WWTR1: variants seen among roughly 807,000 people sequenced by gnomAD.
WWTR1 encodes WW domain-containing transcription regulator protein 1.
WWTR1 carries 13 observed loss-of-function variants against 40.1 expected under a neutral mutation model. The ratio of observed to expected loss-of-function variants is 0.32; its 90% CI spans 0.21 to 0.52. The LOEUF is 0.52. Ranked by LOEUF, WWTR1 falls within the 20% of genes least tolerant of loss-of-function variation. The pLI, the probability that WWTR1 is intolerant of heterozygous loss-of-function variation, is 0.97. For missense variants in WWTR1, 436 were observed against 523.1 expected, an observed-to-expected ratio of 0.83 and a Z score of 1.63; for synonymous variants, 230 against 210.1, an observed-to-expected ratio of 1.09 and a Z score of -0.82.
intron 1 of WWTR1, 166 bp downstream of exon 1, chr3:149,657,599 C>A: frequency 2.7e-6 from 1 of 375,050 alleles, no homozygotes; most frequent in Non-Finnish European, 4.8e-6. Context: ...TCGGGGCTTG[C>A]TGAACCGCAG....
At position 149,657,385 on chromosome 3, in the gene WWTR1, C is replaced by G. The variant is rs945693620; in HGVS notation, c.-3-76G>C. 13 of 1,446,460 alleles carry G rather than the reference C, an allele frequency of 9.0e-6. No homozygotes were observed. The African/African-American group carries it at 1.8e-4, about 20-fold the overall frequency. The allele number at this position is 1,446,460 out of a possible 1,614,324, so 89.6% of individuals were successfully genotyped here. A position where few individuals can be genotyped will look rare whatever the true frequency, so the allele number is the denominator to read the frequency against. On this transcript the variant is annotated intron_variant, in intron 1 of 6. Transcript: ENST00000360632. ...GTAAGAGGGTTACAGGGTGAGAGGG[C>G]GAGATGGTGGGAGAAAGAATAGAGG...
chr3:149,541,088 A>G (rs758604024), intron 4 of WWTR1: 17 of 454,578 alleles, frequency 3.7e-5, no homozygotes, highest in South Asian at 2.5e-4. Context: ...TAATTTCTCT[A>G]AAGTAGCAAA....
chr3:149,537,294 A>G (rs986970830), intron 4 of WWTR1, among the ~76,000 whole-genome samples: 5 of 152,192 alleles, frequency 3.3e-5, no homozygotes, highest in Non-Finnish European at 7.3e-5. Flanking sequence ...GCACAACTTC[A>G]TGGCTGACAC....
At chr3:149,719,450 C>T (rs115076066) in intron 4 of WWTR1, among the ~76,000 whole-genome samples, 2,957 of 152,244 alleles carry the variant, frequency 0.019, 102 homozygotes, top group African/African-American at 0.067. Context: ...GGATTACAGG[C>T]GTGGCCACTG....
At chr3:149,544,112 T>C (rs1460653953) in intron 3 of WWTR1, among the ~76,000 whole-genome samples, 1 of 151,980 alleles carries the variant, frequency 6.6e-6, no homozygotes, top group East Asian at 1.9e-4. Flanking sequence ...ATGCATATTA[T>C]GTAGAAATAT....
chr3:149,566,505 G>A (rs796303772), intron 3 of WWTR1, among the ~76,000 whole-genome samples: 1 of 151,994 alleles, frequency 6.6e-6, no homozygotes, highest in Admixed American at 6.6e-5. Context: ...CATCAGAGCT[G>A]GAAAAATCAC....
At chr3:149,522,578 T>C (rs1434881137) in intron 6 of WWTR1, among the ~76,000 whole-genome samples, 1 of 152,162 alleles carries the variant, frequency 6.6e-6, no homozygotes, top group Non-Finnish European at 1.5e-5. Flanking sequence ...GTGTAACAGA[T>C]AAAAATGAGG....
At chr3:149,546,714 T>C (rs191269964) in intron 3 of WWTR1, among the ~76,000 whole-genome samples, 28 of 152,294 alleles carry the variant, frequency 1.8e-4, no homozygotes, top group Non-Finnish European at 3.2e-4. Flanking sequence ...AACATGGCCA[T>C]GTAAGCTTCA....
intron 1 of WWTR1, among the ~76,000 whole-genome samples, chr3:149,697,151 G>T (rs1715020495): frequency 6.6e-6 from 1 of 151,426 alleles, no homozygotes; most frequent in African/African-American, 2.4e-5. Flanking sequence ...AAATAAAAGA[G>T]GTTTAATTGG....
chr3:149,590,578 G>A (rs964952443), intron 2 of WWTR1, among the ~76,000 whole-genome samples: 4 of 152,136 alleles, frequency 2.6e-5, no homozygotes, highest in Non-Finnish European at 5.9e-5. Context: ...CCCGGGAGGT[G>A]GAGGTTGCAG....
rs561902213 is a variant in WWTR1 at position 149,541,842 on chromosome 3, C to T, written c.771+493G>A. Among the ~76,000 whole-genome samples, 3 of 152,246 alleles carry T rather than the reference C, an allele frequency of 2.0e-5. No homozygotes were observed. The East Asian group carries it at 5.8e-4, about 29-fold the overall frequency. On this transcript the variant is annotated intron_variant, in intron 4 of 6. Coordinates refer to ENST00000360632, the MANE Select transcript of WWTR1 (RefSeq NM_015472.6). Reference sequence around the variant, plus strand: ...TCCAGCAATCCTCACCATCATGCCACCCACTTAGGTAAAGCCATTGTGAAC... The same window carrying T: ...TCCAGCAATCCTCACCATCATGCCATCCACTTAGGTAAAGCCATTGTGAAC...
At chr3:149,630,596 C>T (rs575370858) in intron 2 of WWTR1, among the ~76,000 whole-genome samples, 29 of 152,300 alleles carry the variant, frequency 1.9e-4, no homozygotes, top group African/African-American at 6.7e-4. Flanking sequence ...ATGTGAGGCC[C>T]CAGTCACCTG....
chr3:149,681,219 A>T (rs1414499558), intron 1 of WWTR1, among the ~76,000 whole-genome samples: 1 of 152,216 alleles, frequency 6.6e-6, no homozygotes, highest in Non-Finnish European at 1.5e-5. Context: ...ATGGCTGATT[A>T]TATGTTATAT....
intron 5 of WWTR1, among the ~76,000 whole-genome samples, chr3:149,714,261 G>A (rs1259127595): frequency 2.0e-5 from 3 of 152,190 alleles, no homozygotes; most frequent in Non-Finnish European, 4.4e-5. Flanking sequence ...CTGTGCTTAG[G>A]GGCTGGGAGC....
At position 149,657,859 on chromosome 3, in the gene WWTR1, T is replaced by A. The variant is rs1363869345; in HGVS notation, c.-98A>T. The A allele has an allele frequency of 6.5e-6, 1 of 153,088 alleles. No individual in the cohort carries two copies. Among genetic ancestry groups the A allele is most frequent in the Non-Finnish European group, 1.5e-5 (1 of 68,832 alleles). 9.5% of individuals were successfully genotyped at this position (153,088 alleles called of 1,614,324 possible). A position where few individuals can be genotyped will look rare whatever the true frequency, so the allele number is the denominator to read the frequency against. On this transcript the variant is annotated 5_prime_UTR_variant, in exon 1 of 7. Coordinates refer to ENST00000360632, the MANE Select transcript of WWTR1 (RefSeq NM_015472.6). ...TGGGTCGCTCGGGTGAGTCCCGAGA[T>A]TGCGGAGCTGGAGCCGAGGCTTGGC...
intron 6 of WWTR1, among the ~76,000 whole-genome samples, chr3:149,525,280 T>C (rs1258564750): frequency 6.6e-6 from 1 of 152,068 alleles, no homozygotes; most frequent in African/African-American, 2.4e-5. Context: ...ATGAAAAAAA[T>C]TGGATACTAG....
intron 2 of WWTR1, among the ~76,000 whole-genome samples, chr3:149,621,651 T>C (rs941901412): frequency 1.3e-5 from 2 of 152,178 alleles, no homozygotes; most frequent in African/African-American, 4.8e-5. Flanking sequence ...GAAGTCCAAA[T>C]AAAACATTCA....
intron 2 of WWTR1, among the ~76,000 whole-genome samples, chr3:149,651,868 T>C (rs1166653016): frequency 6.7e-6 from 1 of 150,348 alleles, no homozygotes; most frequent in South Asian, 2.1e-4. Flanking sequence ...CTGGCTCTGT[T>C]GCCCAGGCTG....
chr3:149,647,862 T>C (rs1299087950), intron 2 of WWTR1, among the ~76,000 whole-genome samples: 1 of 152,220 alleles, frequency 6.6e-6, no homozygotes, highest in Admixed American at 6.5e-5. Context: ...AGTGAGAAAG[T>C]TGACATTTAC....
Sources: allele counts gnomAD v4.1 joint callset (sites outside exome capture counted in the v4.1 genomes callset), GRCh38; gene constraint gnomAD v4.1.1; transcripts MANE v1.5; gene names NCBI Gene and HGNC (gene_info 2026-07-23, HGNC 2026-07-21).